Variants in TAOK1 observed in about 807,000 individuals in gnomAD.
TAOK1 encodes serine/threonine-protein kinase TAO1.
A neutral mutation model predicts 138.3 loss-of-function variants in TAOK1; 21 were observed. That is an observed-to-expected ratio of 0.15 (90% CI 0.11 to 0.22). TAOK1 has a LOEUF of 0.22. TAOK1 is among the 10% of genes least tolerant of loss of function. TAOK1 has a pLI of 1.00. For missense variants in TAOK1, 651 were observed against 1,227.7 expected, an observed-to-expected ratio of 0.53 and a Z score of 7.02; for synonymous variants, 361 against 398.4, an observed-to-expected ratio of 0.91 and a Z score of 1.12.
rs368140636 is a variant in TAOK1 at position 29,399,525 on chromosome 17, C to T, written c.-95+8501C>T. Reference sequence around the variant, plus strand: ...AGAGACGGGGTTTCACCGTGTTAGCCAGGATGGTCTTGATCTCCTGACCTC... The same window carrying T: ...AGAGACGGGGTTTCACCGTGTTAGCTAGGATGGTCTTGATCTCCTGACCTC... On this transcript the variant is annotated intron_variant, in intron 1 of 19. Transcript: ENST00000261716. 1.7e-4 allele frequency among the ~76,000 whole-genome samples: 26 copies of T among 152,108 alleles called. No individual in the cohort carries two copies. In the East Asian group the frequency reaches 1.9e-3, roughly 11 times the overall value.
At chr17:29,490,386 A>G (rs1487544191) in intron 9 of TAOK1, among the ~76,000 whole-genome samples, 1 of 152,152 alleles carries the variant, frequency 6.6e-6, no homozygotes, top group Non-Finnish European at 1.5e-5. Context: ...ACTGTAGTAG[A>G]AAATTAATTC....
intron 1 of TAOK1, among the ~76,000 whole-genome samples, chr17:29,418,858 G>GT (rs778527770): frequency 8.6e-5 from 13 of 150,828 alleles, no homozygotes; most frequent in East Asian, 3.9e-4. Flanking sequence ...ACTATAGTAA[G>GT]TTTTAGCATC....
chr17:29,529,091 C>A (rs1241742086), intron 17 of TAOK1, among the ~76,000 whole-genome samples: 1 of 151,650 alleles, frequency 6.6e-6, no homozygotes, highest in African/African-American at 2.4e-5. Context: ...TCTGCCTCAG[C>A]CTCCCTAGCA....
chr17:29,447,956 T>C (rs2030134304), intron 1 of TAOK1, among the ~76,000 whole-genome samples: 1 of 21,246 alleles, frequency 4.7e-5, no homozygotes, highest in Admixed American at 4.9e-4. Flanking sequence ...GCACCTGGTC[T>C]TTTTTTTTTT....
intron 1 of TAOK1, among the ~76,000 whole-genome samples, chr17:29,411,236 C>T (rs1310217211): frequency 1.3e-4 from 19 of 149,848 alleles, no homozygotes; most frequent in Non-Finnish European, 2.4e-4. Flanking sequence ...GGACTACAGG[C>T]GCCCGCCACT....
At position 29,545,962 on chromosome 17, in the gene TAOK1, A is replaced by G. The variant is rs368074402; in HGVS notation, c.*2940A>G. ...GTTCCTTGGGGTCACTCTATCTCAC[A>G]TTTTTTTTGGTTAGCATTTTAAAAA... On this transcript the variant is annotated 3_prime_UTR_variant, in exon 20 of 20. Coordinates refer to ENST00000261716, the MANE Select transcript of TAOK1 (RefSeq NM_020791.4). The G allele has an allele frequency of 7.9e-5, 12 of 151,910 alleles. No individual in the cohort carries two copies. The East Asian group carries it at 1.7e-3, about 22-fold the overall frequency. The allele number at this position is 151,910 out of a possible 1,614,324, so 9.4% of individuals were successfully genotyped here. A position where few individuals can be genotyped will look rare whatever the true frequency, so the allele number is the denominator to read the frequency against.
chr17:29,439,760 C>A (rs988696386), intron 1 of TAOK1, among the ~76,000 whole-genome samples: 5 of 150,472 alleles, frequency 3.3e-5, no homozygotes, highest in Admixed American at 3.3e-4. Flanking sequence ...CAAGGACTAC[C>A]AATCTGTAGT....
intron 1 of TAOK1, among the ~76,000 whole-genome samples, chr17:29,445,913 G>A (rs1407932674): frequency 6.6e-6 from 1 of 152,046 alleles, no homozygotes; most frequent in Non-Finnish European, 1.5e-5. Context: ...AATGAAATTT[G>A]ATAATGAAAC....
chr17:29,525,545 C>T (rs2031995395), intron 17 of TAOK1, among the ~76,000 whole-genome samples: 1 of 152,094 alleles, frequency 6.6e-6, no homozygotes, highest in African/African-American at 2.4e-5. Flanking sequence ...CCTGGGATTA[C>T]AGGCGCCCAC....
chr17:29,424,178 G>A (rs1403489393), intron 1 of TAOK1, among the ~76,000 whole-genome samples: 1 of 151,730 alleles, frequency 6.6e-6, no homozygotes, highest in African/African-American at 2.4e-5. Flanking sequence ...ATGAGAATTA[G>A]GTCAAGTTAG....
intron 18 of TAOK1, among the ~76,000 whole-genome samples, chr17:29,533,093 C>T (rs1449016493): frequency 4.1e-5 from 6 of 147,206 alleles, no homozygotes; most frequent in South Asian, 4.4e-4. Context: ...GGGTGGCTGC[C>T]GGGCGGAGGG....
At position 29,397,647 on chromosome 17, in the gene TAOK1, T is replaced by TTCATGTATGATACATGTATAC. The variant is rs1384681685; in HGVS notation, c.-95+6623_-95+6624insTCATGTATGATACATGTATAC. Among the ~76,000 whole-genome samples the TTCATGTATGATACATGTATAC allele has an allele frequency of 2.4e-3, 145 of 61,514 alleles. 2 individuals carry two copies. The highest frequency in any genetic ancestry group is 3.8e-3 in the Non-Finnish European group (126 of 32,842). The allele number at this position is 61,514 out of a possible 152,430, so 40.4% of individuals were successfully genotyped here. On this transcript the variant is annotated intron_variant, in intron 1 of 19. Transcript: ENST00000261716. ...ATATATATACATGTATACATGTATA[T>TTCATGTATGATACATGTATAC]ATGTATATTCATGTATGATACATGT...
chr17:29,439,599 G>A (rs770810949), intron 1 of TAOK1, among the ~76,000 whole-genome samples: 1 of 152,034 alleles, frequency 6.6e-6, no homozygotes, highest in Non-Finnish European at 1.5e-5. Context: ...GTCTCCTCCA[G>A]AACAGTTACC....
Position 29,548,468 on chromosome 17 carries a change from T to G in TAOK1, c.*5446T>G, listed in dbSNP as rs2032438964. The G allele has an allele frequency of 6.6e-6, 1 of 152,070 alleles. No individual in the cohort carries two copies. The highest frequency in any genetic ancestry group is 1.5e-5 in the Non-Finnish European group (1 of 67,986). The allele number at this position is 152,070 out of a possible 1,614,324, so 9.4% of individuals were successfully genotyped here. ...GTTTTGTTTCTAAATATACAAGGAA[T>G]TCTTTAAATAGAGAAAAAGGTTAAT... On this transcript the variant is annotated 3_prime_UTR_variant, in exon 20 of 20. Coordinates refer to ENST00000261716, the MANE Select transcript of TAOK1 (RefSeq NM_020791.4).
rs367963207 is a variant in TAOK1 at position 29,486,199 on chromosome 17, G to T, written c.656-3465G>T. ...AGCTGCTTTGGGGGCTGAGGTGAGAGGATCACTTGAGCCCAGGAGGTCAAG... is the reference window on the plus strand; with the variant it reads ...AGCTGCTTTGGGGGCTGAGGTGAGATGATCACTTGAGCCCAGGAGGTCAAG... On this transcript the variant is annotated intron_variant, in intron 8 of 19. Transcript: ENST00000261716. Among the ~76,000 whole-genome samples the T allele has an allele frequency of 8.5e-5, 13 of 152,212 alleles. No individual in the cohort carries two copies. In the East Asian group the frequency reaches 2.5e-3, roughly 29 times the overall value.
At chr17:29,536,532 G>A (rs179332) in intron 19 of TAOK1, among the ~76,000 whole-genome samples, 13 of 118,792 alleles carry the variant, frequency 1.1e-4, no homozygotes, top group South Asian at 2.8e-4. Flanking sequence ...CCTGGGAGGC[G>A]GAGGTTGCAG....
intron 2 of TAOK1, among the ~76,000 whole-genome samples, chr17:29,455,462 C>A (rs766076207): frequency 2.7e-5 from 4 of 150,382 alleles, no homozygotes; most frequent in Non-Finnish European, 5.9e-5. Flanking sequence ...GAATGGCTTT[C>A]GTTTTTCCTG....
At chr17:29,428,869 C>T (rs1905734443) in intron 1 of TAOK1, among the ~76,000 whole-genome samples, 1 of 151,742 alleles carries the variant, frequency 6.6e-6, no homozygotes, top group South Asian at 2.1e-4. Flanking sequence ...CTCAAGTGAT[C>T]CTCTCCTCTG....
At chr17:29,471,161 A>T (rs200342628) in intron 3 of TAOK1, among the ~76,000 whole-genome samples, 6 of 149,022 alleles carry the variant, frequency 4.0e-5, no homozygotes, top group African/African-American at 1.2e-4. Context: ...TCATCTAAAA[A>T]ATATATATAT....
Sources: gnomAD v4.1 joint callset for allele counts (sites outside exome capture counted in the v4.1 genomes callset) on GRCh38, gnomAD v4.1.1 for gene constraint, MANE v1.5 for transcripts, NCBI Gene and HGNC (gene_info 2026-07-23, HGNC 2026-07-21) for gene names.